The following RANBP17 variants were observed in gnomAD, a reference collection of about 807,000 sequenced individuals.
RANBP17 encodes the protein ran-binding protein 17.
Under a neutral mutation model 141.2 loss-of-function variants are expected in RANBP17, and 158 were observed. The observed-to-expected ratio is 1.12, with a 90% CI of 0.98 to 1.28. The LOEUF (loss-of-function observed/expected upper bound fraction) is 1.28. Ranked by LOEUF, RANBP17 falls within the 50% of genes most tolerant of loss-of-function variation. RANBP17 has a pLI of 0.00. For synonymous variants in RANBP17, 430 were observed against 450.0 expected (o/e 0.96, Z 0.56); for missense variants, 1,438 against 1,290.7 (o/e 1.11, Z -1.75).
At chr5:170,990,736 C>G (rs977858621) in intron 14 of RANBP17, among the ~76,000 whole-genome samples, 1 of 151,872 alleles carries the variant, frequency 6.6e-6, no homozygotes, top group Admixed American at 6.6e-5. Flanking sequence ...GAGGTTAATG[C>G]CATACATATT....
intron 1 of RANBP17, among the ~76,000 whole-genome samples, chr5:170,874,152 T>G (rs1767977150): frequency 6.6e-6 from 1 of 152,198 alleles, no homozygotes; most frequent in Non-Finnish European, 1.5e-5. Context: ...TGTGTGGTTT[T>G]GAGTGAGTTT....
chr5:171,265,394 G>T (rs914247911), intron 24 of RANBP17, among the ~76,000 whole-genome samples: 1 of 152,134 alleles, frequency 6.6e-6, no homozygotes, highest in African/African-American at 2.4e-5. Flanking sequence ...AATTACCCAG[G>T]TGTGGTGGCA....
At chr5:170,976,681 T>C (rs1409190832) in intron 14 of RANBP17, among the ~76,000 whole-genome samples, 2 of 152,008 alleles carry the variant, frequency 1.3e-5, no homozygotes, top group Non-Finnish European at 2.9e-5. Context: ...ACGAATGAAA[T>C]AGAATGGAGA....
intron 14 of RANBP17, among the ~76,000 whole-genome samples, chr5:171,096,093 G>A (rs1037186850): frequency 2.0e-5 from 3 of 152,114 alleles, no homozygotes; most frequent in Non-Finnish European, 2.9e-5. Context: ...GGAGTAAGCC[G>A]AGAAGGTGGA....
chr5:171,237,803 A>T (rs564888067), intron 22 of RANBP17, among the ~76,000 whole-genome samples: 1 of 152,282 alleles, frequency 6.6e-6, no homozygotes, highest in African/African-American at 2.4e-5. Context: ...CAAGGAAGGA[A>T]TAGAACTTTC....
intron 14 of RANBP17, among the ~76,000 whole-genome samples, chr5:171,151,425 T>G (rs1247791018): frequency 6.6e-6 from 1 of 152,216 alleles, no homozygotes; most frequent in South Asian, 2.1e-4. Flanking sequence ...CTTAAATATA[T>G]GTTAATTTCA....
chr5:170,943,600 A>G (rs1173956031), intron 12 of RANBP17, among the ~76,000 whole-genome samples: 1 of 152,136 alleles, frequency 6.6e-6, no homozygotes, highest in East Asian at 1.9e-4. Flanking sequence ...AAAATGGAAA[A>G]TTATAATGGA....
intron 14 of RANBP17, among the ~76,000 whole-genome samples, chr5:171,002,379 A>C: frequency 6.6e-6 from 1 of 152,212 alleles, no homozygotes; most frequent in Admixed American, 6.5e-5. Flanking sequence ...TATCAGCATA[A>C]GCGTTGCCCT....
chr5:171,077,663 A>C (rs906589140), intron 14 of RANBP17, among the ~76,000 whole-genome samples: 1 of 152,246 alleles, frequency 6.6e-6, no homozygotes, highest in Non-Finnish European at 1.5e-5. Context: ...ATTGCTTTTT[A>C]ATACACATTT....
intron 14 of RANBP17, among the ~76,000 whole-genome samples, chr5:171,101,099 G>T (rs1787126872): frequency 6.6e-6 from 1 of 152,184 alleles, no homozygotes; most frequent in African/African-American, 2.4e-5. Context: ...GGAGAGTTCT[G>T]TAGCTATCTA....
intron 5 of RANBP17, among the ~76,000 whole-genome samples, chr5:170,904,705 A>G: frequency 6.6e-6 from 1 of 152,166 alleles, no homozygotes; most frequent in Non-Finnish European, 1.5e-5. Flanking sequence ...TAAAATTGAG[A>G]GAATGGAGTT....
chr5:170,981,390 A>T (rs1777761609), intron 14 of RANBP17, among the ~76,000 whole-genome samples: 1 of 152,052 alleles, frequency 6.6e-6, no homozygotes, highest in African/African-American at 2.4e-5. Context: ...CTGTGTCCCC[A>T]CCCAAATCTC....
At chr5:170,880,871 C>T (rs1200203524) in intron 2 of RANBP17, among the ~76,000 whole-genome samples, 1 of 152,170 alleles carries the variant, frequency 6.6e-6, no homozygotes, top group African/African-American at 2.4e-5. Context: ...ACACCCATGG[C>T]TCTCTAGGCA....
intron 14 of RANBP17, among the ~76,000 whole-genome samples, chr5:170,970,083 A>G (rs971475208): frequency 2.6e-5 from 4 of 151,944 alleles, no homozygotes; most frequent in African/African-American, 4.8e-5. Flanking sequence ...TGCTAGCTTT[A>G]TTCCTTACAG....
intron 1 of RANBP17, among the ~76,000 whole-genome samples, chr5:170,872,988 T>C (rs1164219925): frequency 1.3e-5 from 2 of 152,322 alleles, no homozygotes; most frequent in East Asian, 1.9e-4. Flanking sequence ...CTTGGCTCGC[T>C]GCAACCTCCA....
chr5:171,031,471 G>C (rs1033724400), intron 14 of RANBP17, among the ~76,000 whole-genome samples: 6 of 151,984 alleles, frequency 3.9e-5, no homozygotes, highest in African/African-American at 1.4e-4. Context: ...TGTTGTGTTT[G>C]GAATATAGCA....
chr5:171,146,530 G>A (rs759925291), intron 14 of RANBP17, among the ~76,000 whole-genome samples: 2 of 152,118 alleles, frequency 1.3e-5, no homozygotes, highest in Admixed American at 6.5e-5. Context: ...AGGTTCTGCA[G>A]GTAATATCCT....
intron 14 of RANBP17, among the ~76,000 whole-genome samples, chr5:171,031,624 T>A (rs1781553823): frequency 6.6e-6 from 1 of 152,026 alleles, no homozygotes. Flanking sequence ...TCATGTTCAT[T>A]TTCTGGCCTC....
At chr5:171,228,821 G>A (rs747671495) in intron 22 of RANBP17, among the ~76,000 whole-genome samples, 10 of 152,120 alleles carry the variant, frequency 6.6e-5, no homozygotes, top group Non-Finnish European at 1.2e-4. Context: ...GCAATTTTTA[G>A]CAATAAAACA....
Sources: allele counts gnomAD v4.1 joint callset (sites outside exome capture counted in the v4.1 genomes callset), GRCh38; gene constraint gnomAD v4.1.1; transcripts MANE v1.5; gene names NCBI Gene and HGNC (gene_info 2026-07-23, HGNC 2026-07-21).